ALMS1: variants seen among roughly 807,000 people sequenced by gnomAD.
The protein encoded by ALMS1 is ALMS1 centrosome and basal body associated protein, also known as centrosome-associated protein ALMS1.
Under a neutral mutation model 352.2 loss-of-function variants are expected in ALMS1, and 271 were observed. The ratio of observed to expected loss-of-function variants is 0.77; its 90% CI spans 0.70 to 0.85. The LOEUF is 0.85. Among genes scored for constraint, ALMS1 ranks in the 40% least tolerant of loss-of-function variants. The pLI, the probability that ALMS1 is intolerant of heterozygous loss-of-function variation, is 0.00. For synonymous variants in ALMS1, 1,865 were observed against 1,761.2 expected, an observed-to-expected ratio of 1.06 and a Z score of -1.48; for missense variants, 5,445 against 4,870.7, an observed-to-expected ratio of 1.12 and a Z score of -3.51.
At chr2:73,555,391 T>C (rs1674521756) in intron 13 of ALMS1, among the ~76,000 whole-genome samples, 1 of 152,152 alleles carries the variant, frequency 6.6e-6, no homozygotes, top group South Asian at 2.1e-4. Context: ...CAATAGAGTT[T>C]GAACCAATGA....
chr2:73,567,014 G>A (rs984969516), intron 15 of ALMS1, among the ~76,000 whole-genome samples: 2 of 152,186 alleles, frequency 1.3e-5, no homozygotes, highest in African/African-American at 4.8e-5. Flanking sequence ...CATCCTCCCA[G>A]CTTCTCCTGT....
At position 73,590,044 on chromosome 2, in the gene ALMS1, G is replaced by GT. The variant is rs573167258; in HGVS notation, c.11548-9345dup. ...GTTTCTATACCATGGGAAGATAGGTGTTTTTTTTTTTTCTTTTTAATGAGA... is the reference window on the plus strand; with the variant it reads ...GTTTCTATACCATGGGAAGATAGGTGTTTTTTTTTTTTTCTTTTTAATGAGA... On this transcript the variant is annotated intron_variant, in intron 16 of 22. Transcript: ENST00000613296. Among the ~76,000 whole-genome samples the GT allele has an allele frequency of 2.9e-3, 420 of 143,362 alleles. 1 individual carries two copies. Among genetic ancestry groups the GT allele is most frequent in the South Asian group, 7.5e-3 (34 of 4,532 alleles). The allele number at this position is 143,362 out of a possible 152,430, so 94.1% of individuals were successfully genotyped here.
At chr2:73,553,971 TC>T (rs1674490584) in intron 13 of ALMS1, among the ~76,000 whole-genome samples, 1 of 152,146 alleles carries the variant, frequency 6.6e-6, no homozygotes, top group Non-Finnish European at 1.5e-5. Flanking sequence ...AGGATATTGA[TC>T]CTAGAATAAA....
rs774888526 is a variant in ALMS1, at chr2:73,602,344, C to T, written c.12274C>T (p.Arg4092Cys). The T allele has an allele frequency of 8.1e-6, 13 of 1,614,056 alleles. No individual in the cohort carries two copies. The East Asian group carries it at 1.1e-4, about 14-fold the overall frequency. Residue 4092 changes from arginine to cysteine, a missense_variant, in exon 20 of 23, where the codon CGC becomes TGC. Coordinates refer to ENST00000613296, the MANE Select transcript of ALMS1 (RefSeq NM_001378454.1). ...CAGGGAACGGCAGGGCCACCAGAAT[C>T]GCATGTGCCCGCTGCCCAAGAGAGG... ...IDRERQGHQN[R>C]MCPLPKRVFL...
chr2:73,527,249 T>A (rs1673810054), intron 11 of ALMS1, among the ~76,000 whole-genome samples: 1 of 151,896 alleles, frequency 6.6e-6, no homozygotes, highest in Non-Finnish European at 1.5e-5. Flanking sequence ...TTTCTCTTTT[T>A]TTTTTTTGGA....
Position 73,451,335 on chromosome 2 carries a change from C to T in ALMS1, c.4808C>T (p.Pro1603Leu). 6.2e-7 allele frequency: 1 copy of T among 1,613,974 alleles called. No homozygotes were observed. The highest frequency in any genetic ancestry group is 1.3e-5 in the African/African-American group (1 of 74,966). Residue 1603 changes from proline (P) to leucine (L), a missense_variant, in exon 8 of 23, where the codon CCT becomes CTT. Physicochemically the swap from Pro to Leu is moderately conservative, Grantham distance 98 (BLOSUM62 -3). Coordinates refer to ENST00000613296, the MANE Select transcript of ALMS1 (RefSeq NM_001378454.1). ...CTGAAAGTTTCCATTGTTTCTGGACCTACTGAAAAAAAGACTGACATACCA... is the reference window on the plus strand; with the variant it reads ...CTGAAAGTTTCCATTGTTTCTGGACTTACTGAAAAAAAGACTGACATACCA... ...EALKVSIVSG[P>L]TEKKTDIPAG...
In ALMS1 at chr2:73,452,668, C is replaced by G. The variant is rs960120562; in HGVS notation, c.6141C>G (p.Ser2047=). The change falls in exon 8 of 23, where the codon TCC becomes TCG. Residue 2047 remains serine, a synonymous_variant. Transcript: ENST00000613296. The stretch of plus-strand genomic sequence containing the variant: ...CATCCCAGACAGCTTTTCATAGTTC[C>G]TATTCTCAAACAGTAAAGCCCAATA... ...KTPSQTAFHS[S]YSQTVKPNIL... 3 of 1,613,814 alleles carry G rather than the reference C, an allele frequency of 1.9e-6. No homozygotes were observed. In the African/African-American group the frequency reaches 4.0e-5, roughly 22 times the overall value.
At chr2:73,537,498 C>T (rs114090621) in intron 12 of ALMS1, among the ~76,000 whole-genome samples, 162 of 152,160 alleles carry the variant, frequency 1.1e-3, no homozygotes, top group African/African-American at 3.7e-3. Context: ...TGATGAAGGC[C>T]GGGAGATTTA....
At chr2:73,461,116 A>T (rs1672189698) in intron 9 of ALMS1, among the ~76,000 whole-genome samples, 1 of 152,156 alleles carries the variant, frequency 6.6e-6, no homozygotes, top group African/African-American at 2.4e-5. Context: ...GCAGCTGGAG[A>T]TGTGAGAATG....
chr2:73,604,196 G>T (rs2104205630), intron 21 of ALMS1, among the ~76,000 whole-genome samples: 1 of 152,250 alleles, frequency 6.6e-6, no homozygotes, highest in African/African-American at 2.4e-5. Context: ...TATAATTTTT[G>T]AATTTTGTGC....
intron 11 of ALMS1, among the ~76,000 whole-genome samples, chr2:73,526,280 T>C (rs1361775206): frequency 6.6e-6 from 1 of 152,224 alleles, no homozygotes; most frequent in African/African-American, 2.4e-5. Context: ...TGGTTCCATA[T>C]AAATTTTAGG....
rs1409560048 is a variant in ALMS1, at chr2:73,573,171, T to C, written c.11294T>C (p.Ile3765Thr). 5.6e-6 allele frequency: 9 copies of C among 1,613,456 alleles called. No homozygotes were observed. Among genetic ancestry groups the C allele is most frequent in the South Asian group, 3.3e-5 (3 of 90,980 alleles). Residue 3765 changes from isoleucine to threonine, a missense_variant, in exon 16 of 23, where the codon ATA (isoleucine) becomes ACA (threonine). Physicochemically the swap from Ile to Thr is moderately conservative, Grantham distance 89. Transcript: ENST00000613296. ...SGTTSTVESD[I>T]LTQTDREVAL... is the part of the protein sequence containing the mutation. ...ACCACTTCTACTGTCGAATCAGATA[T>C]ATTGACCCAAACAGATAGAGAGGTG...
At position 73,448,034 on chromosome 2, in the gene ALMS1, G is replaced by T. The variant is rs761781935; in HGVS notation, c.1507G>T (p.Asp503Tyr). 6.2e-7 allele frequency: 1 copy of T among 1,613,820 alleles called. No individual in the cohort carries two copies. The highest frequency in any genetic ancestry group is 1.1e-5 in the South Asian group (1 of 91,058). ...GTCAGGCATCACTACCACTCCTGTT[G>T]ATTCAGACATTGGATCTCATTTATC... ...LKSGITTTPV[D>Y]SDIGSHLSLS... The change falls in exon 8 of 23, where the codon GAT (aspartate) becomes TAT (tyrosine). Residue 503 changes from aspartate (D) to tyrosine (Y), a missense_variant. Physicochemically the swap from Asp to Tyr is radical, Grantham distance 160. Transcript: ENST00000613296.
chr2:73,509,316 A>T (rs1269746606), intron 10 of ALMS1, among the ~76,000 whole-genome samples: 1 of 152,074 alleles, frequency 6.6e-6, no homozygotes, highest in African/African-American at 2.4e-5. Context: ...TATTTTGCCC[A>T]TTAGTTGATG....
At chr2:73,574,248 G>A (rs1675005587) in intron 16 of ALMS1, among the ~76,000 whole-genome samples, 1 of 152,126 alleles carries the variant, frequency 6.6e-6, no homozygotes, top group African/African-American at 2.4e-5. Context: ...AGTTTAGGGT[G>A]TTAATAAGGG....
intron 12 of ALMS1, among the ~76,000 whole-genome samples, chr2:73,544,308 T>G (rs979107791): frequency 1.3e-5 from 2 of 152,056 alleles, no homozygotes; most frequent in African/African-American, 2.4e-5. Flanking sequence ...TAGGTGGGAA[T>G]TGAACAATGA....
chr2:73,523,691 C>T (rs757369420), intron 11 of ALMS1, among the ~76,000 whole-genome samples: 5 of 151,980 alleles, frequency 3.3e-5, no homozygotes, highest in Admixed American at 6.6e-5. Flanking sequence ...TGCTTGAACC[C>T]GGAAGGTGGA....
chr2:73,538,065 A>C (rs1674070188), intron 12 of ALMS1, among the ~76,000 whole-genome samples: 1 of 152,206 alleles, frequency 6.6e-6, no homozygotes, highest in Non-Finnish European at 1.5e-5. Flanking sequence ...GGGAGACTTT[A>C]TCAAAATTCA....
rs111264891 is a variant in ALMS1 at position 73,524,743 on chromosome 2, T to C, written c.9781+4727T>C. The stretch of plus-strand genomic sequence containing the variant: ...GCTGGATTACAGATGTGAGCCACCA[T>C]GCCTAGCTGTCTTTTGGTTATTTTA... On this transcript the variant is annotated intron_variant, in intron 11 of 22. Transcript: ENST00000613296. 8.2e-3 allele frequency among the ~76,000 whole-genome samples: 1,249 copies of C among 152,280 alleles called. 13 individuals are homozygous for C. Among genetic ancestry groups the C allele is most frequent in the African/African-American group, 0.029 (1,195 of 41,560 alleles).
Sources: allele counts gnomAD v4.1 joint callset (sites outside exome capture counted in the v4.1 genomes callset), GRCh38; gene constraint gnomAD v4.1.1; transcripts MANE v1.5; gene names NCBI Gene and HGNC (gene_info 2026-07-23, HGNC 2026-07-21).